Variants in RALGAPA1 observed in about 807,000 individuals in gnomAD.
RALGAPA1 encodes the protein Ral GTPase activating protein catalytic subunit alpha 1.
RALGAPA1 carries 52 observed loss-of-function variants against 269.6 expected under a neutral mutation model. The ratio of observed to expected loss-of-function variants is 0.19; its 90% CI spans 0.15 to 0.24. RALGAPA1 has a LOEUF of 0.24. Among genes scored for constraint, RALGAPA1 ranks in the 10% least tolerant of loss-of-function variants. The probability of loss-of-function intolerance (pLI) is 1.00; values close to 1 mark genes in which losing one functional copy is unlikely to be tolerated. For missense variants in RALGAPA1, 1,917 were observed against 3,013.9 expected, an observed-to-expected ratio of 0.64 and a Z score of 8.52; for synonymous variants, 817 against 1,008.3, an observed-to-expected ratio of 0.81 and a Z score of 3.60.
At chr14:35,771,316 C>A (rs1174498607) in intron 3 of RALGAPA1, among the ~76,000 whole-genome samples, 1 of 152,132 alleles carries the variant, frequency 6.6e-6, no homozygotes, top group Non-Finnish European at 1.5e-5. Flanking sequence ...ATCGCTTGAA[C>A]CCAAGAGGCA....
intron 4 of RALGAPA1, among the ~76,000 whole-genome samples, chr14:35,764,434 C>T (rs1239376179): frequency 1.3e-5 from 2 of 152,022 alleles, no homozygotes; most frequent in African/African-American, 2.4e-5. Context: ...ATTACTAATT[C>T]TGTGTCTATT....
intron 41 of RALGAPA1, among the ~76,000 whole-genome samples, chr14:35,546,412 A>G (rs565127338): frequency 6.6e-6 from 1 of 152,016 alleles, no homozygotes; most frequent in African/African-American, 2.4e-5. Flanking sequence ...TACATATGTA[A>G]CTAACCTGCA....
At chr14:35,760,411 T>C (rs2141357603) in intron 6 of RALGAPA1, among the ~76,000 whole-genome samples, 1 of 152,330 alleles carries the variant, frequency 6.6e-6, no homozygotes, top group Non-Finnish European at 1.5e-5. Flanking sequence ...AGGGGCTGGG[T>C]ACCAGACAAC....
chr14:35,765,914 G>C, intron 4 of RALGAPA1: 2 of 1,168,304 alleles, frequency 1.7e-6, no homozygotes, highest in East Asian at 2.4e-5. Flanking sequence ...AGTTTGCTAT[G>C]AGATCTGGAA....
chr14:35,653,664 G>A (rs1199459760), intron 30 of RALGAPA1, among the ~76,000 whole-genome samples: 1 of 151,560 alleles, frequency 6.6e-6, no homozygotes, highest in Admixed American at 6.6e-5. Flanking sequence ...TTTTTGTGGG[G>A]GTATGTGATA....
intron 41 of RALGAPA1, chr14:35,542,289 T>G (rs921185807): frequency 3.1e-5 from 9 of 288,554 alleles, no homozygotes; most frequent in Non-Finnish European, 6.0e-5. Context: ...AACAGCCACA[T>G]GTAGTTAGCG....
chr14:35,724,701 C>T (rs933830896), intron 14 of RALGAPA1, among the ~76,000 whole-genome samples: 2 of 152,144 alleles, frequency 1.3e-5, no homozygotes, highest in African/African-American at 4.8e-5. Context: ...CCCTAAAACA[C>T]TGCCAGGTTT....
At chr14:35,731,688 GA>G (rs2070489984) in intron 12 of RALGAPA1, among the ~76,000 whole-genome samples, 1 of 151,958 alleles carries the variant, frequency 6.6e-6, no homozygotes, top group Non-Finnish European at 1.5e-5. Flanking sequence ...CAAAGACAAA[GA>G]AAAAAGAATA....
In RALGAPA1 at chr14:35,629,762, G is replaced by A. The variant is rs534326723; in HGVS notation, c.5996-1811C>T. On this transcript the variant is annotated intron_variant, in intron 33 of 41. Coordinates refer to ENST00000680220, the MANE Select transcript of RALGAPA1 (RefSeq NM_001346249.2). The stretch of plus-strand genomic sequence containing the variant: ...GATCCACCCACCTAGGCCTCCCAAA[G>A]GGTTGGGATTACAGGCGTGAGCCAC... Among the ~76,000 whole-genome samples, 9 of 152,268 alleles carry A rather than the reference G, an allele frequency of 5.9e-5. No homozygotes were observed. The South Asian group carries it at 1.9e-3, about 32-fold the overall frequency.
intron 14 of RALGAPA1, 128 bp from the exon 15 acceptor site, chr14:35,723,392 G>A: frequency 1.8e-6 from 1 of 566,468 alleles, no homozygotes; most frequent in Admixed American, 3.2e-5. Flanking sequence ...TTTTTTAATA[G>A]ATAATACTAC....
chr14:35,673,587 A>T (rs536635828), intron 24 of RALGAPA1, among the ~76,000 whole-genome samples: 14 of 150,242 alleles, frequency 9.3e-5, no homozygotes, highest in African/African-American at 2.2e-4. Flanking sequence ...AAGAATTAAA[A>T]TTTTTTTTTT....
chr14:35,558,286 A>G (rs1183367193), intron 39 of RALGAPA1, among the ~76,000 whole-genome samples: 1 of 152,220 alleles, frequency 6.6e-6, no homozygotes, highest in East Asian at 1.9e-4. Context: ...TGTTATGCAG[A>G]AAGTTAATTT....
chr14:35,748,644 G>A lies in RALGAPA1; in HGVS notation c.1192C>T (p.Arg398Cys), dbSNP rs368011492. The A allele has an allele frequency of 6.8e-5, 109 of 1,611,158 alleles. No homozygotes were observed. The highest frequency in any genetic ancestry group is 8.6e-5 in the Non-Finnish European group (101 of 1,178,702). Residue 398 changes from arginine (R) to cysteine (C), a missense_variant, in exon 10 of 42, where the codon CGC (arginine) becomes TGC (cysteine). By Grantham distance (180) the Arg-to-Cys change is radical. Coordinates refer to ENST00000680220, the MANE Select transcript of RALGAPA1 (RefSeq NM_001346249.2). ...CTCCTTTTAGAAGAAAAAACTCTGC[G>A]AACTATTTCAATGTCTGTGAGATGT... The part of the protein sequence containing the change: ...EEHLTDIEIV[R>C]RVFSSKRSNV...
At chr14:35,620,035 A>G (rs931082781) in intron 35 of RALGAPA1, among the ~76,000 whole-genome samples, 5 of 152,176 alleles carry the variant, frequency 3.3e-5, no homozygotes, top group African/African-American at 1.2e-4. Context: ...GGCCAACATC[A>G]TCCTGATATC....
rs1174873850 is a variant in RALGAPA1, at chr14:35,605,641, G to T, written c.6998C>A (p.Thr2333Asn). Residue 2333 changes from threonine (T) to asparagine (N), a missense_variant, in exon 36 of 42, where the codon ACC becomes AAC. Thr to Asn is a moderately conservative substitution (Grantham distance 65, BLOSUM62 0). Coordinates refer to ENST00000680220, the MANE Select transcript of RALGAPA1 (RefSeq NM_001346249.2). ...EGQEDKHSILTNTGGSQAYED... is the reference protein window; with the variant it reads ...EGQEDKHSILNNTGGSQAYED... ...ATATGCTTGACTTCCTCCTGTATTG[G>T]TGAGAATGGAGTGTTTGTCTTCTTG... 5.0e-6 allele frequency: 8 copies of T among 1,611,216 alleles called. No individual in the cohort carries two copies. Among genetic ancestry groups the T allele is most frequent in the Non-Finnish European group, 5.1e-6 (6 of 1,178,994 alleles).
intron 16 of RALGAPA1, among the ~76,000 whole-genome samples, chr14:35,711,812 A>T (rs1275356704): frequency 6.6e-6 from 1 of 152,194 alleles, no homozygotes; most frequent in Admixed American, 6.5e-5. Context: ...ACCACTTTCC[A>T]GCTAGACATA....
intron 26 of RALGAPA1, among the ~76,000 whole-genome samples, chr14:35,667,636 T>C (rs879497920): frequency 6.6e-6 from 1 of 152,246 alleles, no homozygotes; most frequent in Admixed American, 6.5e-5. Context: ...AAGTTTCTGG[T>C]GTGCAGATCA....
intron 37 of RALGAPA1, among the ~76,000 whole-genome samples, chr14:35,584,790 A>G (rs988392869): frequency 6.6e-6 from 1 of 152,208 alleles, no homozygotes; most frequent in Non-Finnish European, 1.5e-5. Flanking sequence ...GCAAAAATAG[A>G]AAACAGAATA....
intron 11 of RALGAPA1, 25 bp downstream of exon 11, chr14:35,742,343 A>G (rs2071638345): frequency 5.3e-6 from 8 of 1,505,062 alleles, no homozygotes; most frequent in Non-Finnish European, 7.2e-6. Flanking sequence ...ACTAACACTA[A>G]AATATATAAA....
Sources: gnomAD v4.1 joint callset for allele counts (sites outside exome capture counted in the v4.1 genomes callset) on GRCh38, gnomAD v4.1.1 for gene constraint, MANE v1.5 for transcripts, NCBI Gene and HGNC (gene_info 2026-07-23, HGNC 2026-07-21) for gene names.